Variants in POLR3A observed in about 807,000 individuals in gnomAD.
The protein encoded by POLR3A is RNA polymerase III subunit A.
Under a neutral mutation model 152.8 loss-of-function variants are expected in POLR3A, and 112 were observed. That is an observed-to-expected ratio of 0.73 (90% CI 0.63 to 0.86). The LOEUF is 0.86. Among genes scored for constraint, POLR3A ranks in the 40% least tolerant of loss-of-function variants. POLR3A has a pLI of 0.00. For synonymous variants in POLR3A, 615 were observed against 652.1 expected, an observed-to-expected ratio of 0.94 and a Z score of 0.87; for missense variants, 1,385 against 1,743.1, an observed-to-expected ratio of 0.79 and a Z score of 3.66.
At chr10:78,005,728 T>C (rs1405171144) in intron 15 of POLR3A, among the ~76,000 whole-genome samples, 1 of 152,228 alleles carries the variant, frequency 6.6e-6, no homozygotes, top group East Asian at 1.9e-4. Context: ...CAGGCCCTTA[T>C]TCCTGTAGGA....
chr10:78,024,354 ACT>A (rs954218927), intron 5 of POLR3A, among the ~76,000 whole-genome samples, 193 bp downstream of exon 5: 1 of 138,846 alleles, frequency 7.2e-6, no homozygotes, highest in African/African-American at 2.8e-5. Context: ...AAAGAGCGAG[ACT>A]CTGTCTTCCA....
chr10:77,979,872 T>A (rs192130110), intron 30 of POLR3A, among the ~76,000 whole-genome samples: 1 of 152,288 alleles, frequency 6.6e-6, no homozygotes, highest in East Asian at 1.9e-4. Flanking sequence ...AATTCTTACA[T>A]GCCCAGGGTT....
At chr10:77,982,376 C>T in intron 27 of POLR3A, 58 bp from the exon 28 acceptor site, 2 of 1,492,822 alleles carry the variant, frequency 1.3e-6, no homozygotes, top group South Asian at 2.3e-5. Flanking sequence ...CTGGGCTGAT[C>T]ACCTTGATCA....
chr10:78,010,440 A>G (rs1847456172), intron 12 of POLR3A, 31 bp downstream of exon 12: 4 of 1,505,494 alleles, frequency 2.7e-6, no homozygotes, highest in East Asian at 4.5e-5. Flanking sequence ...CCAGTCAGAA[A>G]TCTCCTTTCA....
chr10:78,010,280 TA>T (rs1847453723), intron 12 of POLR3A, among the ~76,000 whole-genome samples, 190 bp downstream of exon 12: 1 of 134,800 alleles, frequency 7.4e-6, no homozygotes, highest in Non-Finnish European at 1.6e-5. Flanking sequence ...AATTAATGAA[TA>T]ACCAACCAAT....
intron 20 of POLR3A, among the ~76,000 whole-genome samples, chr10:77,991,435 C>A (rs369063250): frequency 1.2e-4 from 18 of 152,170 alleles, no homozygotes; most frequent in Non-Finnish European, 1.8e-4. Context: ...CCACTGCCCC[C>A]CACCAGATTT....
At chr10:78,011,562 T>C (rs961633865) in intron 11 of POLR3A, among the ~76,000 whole-genome samples, 2 of 152,162 alleles carry the variant, frequency 1.3e-5, no homozygotes, top group African/African-American at 4.8e-5. Flanking sequence ...CAGGGACCCT[T>C]CAACCAGAGT....
rs1376110127 is a variant in POLR3A, at chr10:78,013,771, C to G, written c.1451G>C (p.Arg484Pro). 1 of 1,613,920 alleles carries G rather than the reference C, an allele frequency of 6.2e-7. No individual in the cohort carries two copies. The highest frequency in any genetic ancestry group is 1.3e-5 in the African/African-American group (1 of 74,884). Residue 484 changes from arginine to proline, a missense_variant, in exon 11 of 31, where the codon CGG becomes CCG. Physicochemically the swap from Arg to Pro is moderately radical, Grantham distance 103 (BLOSUM62 -2). This residue lies in a region of POLR3A where 493 missense variants were observed against 647.5 expected (regional missense o/e 0.76). Coordinates refer to ENST00000372371, the MANE Select transcript of POLR3A (RefSeq NM_007055.4). ...GACACACTCATTAAATCTGAAGGTC[C>G]GGTGGGGCTTGACCCTGGCCTGTGG... ...MAHLARVKPH[R>P]TFRFNECVCT...
At chr10:77,978,942 G>T (rs182737291) in intron 30 of POLR3A, among the ~76,000 whole-genome samples, 1 of 151,996 alleles carries the variant, frequency 6.6e-6, no homozygotes, top group South Asian at 2.1e-4. Flanking sequence ...GATTACAGGC[G>T]TGAGCCACCG....
intron 15 of POLR3A, among the ~76,000 whole-genome samples, chr10:78,005,764 G>A (rs1033019447): frequency 2.0e-5 from 3 of 152,214 alleles, no homozygotes; most frequent in Non-Finnish European, 4.4e-5. Context: ...CCAGCGAAAT[G>A]GAATCAGAGA....
chr10:77,990,217 A>G (rs997201873), intron 21 of POLR3A, among the ~76,000 whole-genome samples: 1 of 152,140 alleles, frequency 6.6e-6, no homozygotes, highest in Non-Finnish European at 1.5e-5. Context: ...AAAAAAAAAC[A>G]AAAAACAAAC....
chr10:78,025,384 GA>G (rs1308051482), intron 3 of POLR3A, among the ~76,000 whole-genome samples: 9 of 152,070 alleles, frequency 5.9e-5, no homozygotes, highest in African/African-American at 2.2e-4. Flanking sequence ...TGTATTGTTT[GA>G]ATTACTACTA....
At chr10:78,013,847 C>A in intron 10 of POLR3A, 57 bp from the exon 11 acceptor site, 1 of 1,610,452 alleles carries the variant, frequency 6.2e-7, no homozygotes, top group Non-Finnish European at 8.5e-7. Context: ...TATCCAAAAG[C>A]TTCTCTGTTT....
In POLR3A at chr10:78,017,324, G is replaced by A. The variant is rs757011617; in HGVS notation, c.1431+251C>T. On this transcript the variant is annotated intron_variant, in intron 10 of 30. Coordinates refer to ENST00000372371, the MANE Select transcript of POLR3A (RefSeq NM_007055.4). ...TAGCCAGATTTGGTGGCACATGTCCGTGGTCCCAGCTACTTTGGGGGCTGA... is the reference window on the plus strand; with the variant it reads ...TAGCCAGATTTGGTGGCACATGTCCATGGTCCCAGCTACTTTGGGGGCTGA... Among the ~76,000 whole-genome samples, 5 of 151,954 alleles carry A rather than the reference G, an allele frequency of 3.3e-5. 1 individual carries two copies. The highest frequency in any genetic ancestry group is 4.1e-4 in the South Asian group (2 of 4,820).
At position 78,013,780 on chromosome 10, in the gene POLR3A, T is replaced by C. The variant is rs1847489893; in HGVS notation, c.1442A>G (p.Lys481Arg). The C allele has an allele frequency of 2.5e-6, 4 of 1,614,068 alleles. No homozygotes were observed. In the African/African-American group the frequency reaches 5.3e-5, roughly 22 times the overall value. The change falls in exon 11 of 31, where the codon AAG (lysine) becomes AGG (arginine). Residue 481 changes from lysine (K) to arginine (R), a missense_variant. Lys to Arg is a conservative substitution (Grantham distance 26). Coordinates refer to ENST00000372371, the MANE Select transcript of POLR3A (RefSeq NM_007055.4). ...LSIMAHLARV[K>R]PHRTFRFNEC... ...ATTAAATCTGAAGGTCCGGTGGGGC[T>C]TGACCCTGGCCTGTGGAACACAAAA...
chr10:78,012,410 C>T (rs1252361110), intron 11 of POLR3A, among the ~76,000 whole-genome samples: 2 of 151,602 alleles, frequency 1.3e-5, no homozygotes, highest in Admixed American at 6.6e-5. Context: ...GAAAAAAAAT[C>T]TAAACGTATA....
rs1847488701 is a variant in POLR3A at position 78,013,704 on chromosome 10, G to A, written c.1518C>T (p.Asn506=). Residue 506 remains asparagine, a synonymous_variant, in exon 11 of 31, where the codon AAC becomes AAT. Transcript: ENST00000372371. ...CTTCTTCTGTTTGAGGAAGATGAAG[G>A]TTCATTTCATCACCATCAAAGTCAG... ...YNADFDGDEM[N]LHLPQTEEAK... is the part of the protein sequence containing the mutation. 1.9e-6 allele frequency: 3 copies of A among 1,613,936 alleles called. No individual in the cohort carries two copies. The highest frequency in any genetic ancestry group is 2.5e-6 in the Non-Finnish European group (3 of 1,179,938).
chr10:78,029,067 TC>T (rs1472788102), intron 1 of POLR3A, among the ~76,000 whole-genome samples: 1 of 152,096 alleles, frequency 6.6e-6, no homozygotes, highest in African/African-American at 2.4e-5. Flanking sequence ...AGAACAGGGA[TC>T]ATTGTATGAC....
intron 9 of POLR3A, among the ~76,000 whole-genome samples, chr10:78,018,900 T>C (rs542043729): frequency 2.5e-4 from 38 of 152,192 alleles, no homozygotes; most frequent in Non-Finnish European, 4.6e-4. Flanking sequence ...TGATCCTCTT[T>C]AGACTTTAGT....
Sources: gnomAD v4.1 joint callset for allele counts (sites outside exome capture counted in the v4.1 genomes callset) on GRCh38, gnomAD v4.1.1 for gene constraint, gnomAD v4.1.1 regional missense constraint, MANE v1.5 for transcripts, NCBI Gene and HGNC (gene_info 2026-07-23, HGNC 2026-07-21) for gene names.